The following DLGAP1 variants were observed in gnomAD, a reference collection of about 807,000 sequenced individuals.
DLGAP1 encodes DLG associated protein 1.
DLGAP1 carries 11 observed loss-of-function variants against 90.8 expected under a neutral mutation model. That is an observed-to-expected ratio of 0.12 (90% CI 0.08 to 0.20). DLGAP1 has a LOEUF of 0.20. Among genes scored for constraint, DLGAP1 ranks in the 10% least tolerant of loss-of-function variants. The pLI is 1.00. For synonymous variants in DLGAP1, 558 were observed against 540.7 expected (o/e 1.03, Z -0.44); for missense variants, 1,050 against 1,333.8 (o/e 0.79, Z 3.31).
intron 7 of DLGAP1, among the ~76,000 whole-genome samples, chr18:3,596,131 A>C (rs2056560835): frequency 6.6e-6 from 1 of 151,904 alleles, no homozygotes. Context: ...TAGGGCAGGG[A>C]GAGTGCCAGG....
intron 7 of DLGAP1, among the ~76,000 whole-genome samples, chr18:3,687,400 C>T (rs1023241641): frequency 5.9e-5 from 9 of 152,044 alleles, no homozygotes; most frequent in Non-Finnish European, 1.3e-4. Flanking sequence ...AAAGAATTAA[C>T]GATAATACCA....
intron 2 of DLGAP1, among the ~76,000 whole-genome samples, chr18:4,057,517 C>T (rs12326695): frequency 0.04 from 6,121 of 152,296 alleles, 184 homozygotes; most frequent in Middle Eastern, 0.14. Flanking sequence ...CAGAAGCCTG[C>T]CAATGTATAA....
At chr18:4,238,454 T>C (rs765750778) in intron 1 of DLGAP1, among the ~76,000 whole-genome samples, 6 of 152,302 alleles carry the variant, frequency 3.9e-5, no homozygotes, top group South Asian at 4.1e-4. Flanking sequence ...TTTTGATGAA[T>C]TGTGTTCTCC....
chr18:3,840,683 C>G (rs1005328655), intron 4 of DLGAP1, among the ~76,000 whole-genome samples: 7 of 152,216 alleles, frequency 4.6e-5, no homozygotes, highest in African/African-American at 1.4e-4. Context: ...ACCACCCACA[C>G]TAACACCATT....
intron 1 of DLGAP1, among the ~76,000 whole-genome samples, chr18:4,217,272 T>C (rs746013959): frequency 1.3e-5 from 2 of 152,170 alleles, no homozygotes; most frequent in Non-Finnish European, 2.9e-5. Flanking sequence ...ACAGTTTGTT[T>C]AAATGTTCAC....
At chr18:3,767,279 T>A (rs1327674003) in intron 5 of DLGAP1, among the ~76,000 whole-genome samples, 2 of 151,998 alleles carry the variant, frequency 1.3e-5, no homozygotes, top group Non-Finnish European at 2.9e-5. Flanking sequence ...AAAAGAAATA[T>A]CCAGGTCCAG....
intron 1 of DLGAP1, among the ~76,000 whole-genome samples, chr18:4,280,430 G>A (rs966579673): frequency 3.3e-5 from 5 of 152,080 alleles, no homozygotes; most frequent in African/African-American, 1.2e-4. Context: ...ATAAATTACT[G>A]ACCAAAAGCC....
intron 2 of DLGAP1, among the ~76,000 whole-genome samples, chr18:4,020,250 T>C (rs1191697525): frequency 6.6e-6 from 1 of 152,200 alleles, no homozygotes; most frequent in Non-Finnish European, 1.5e-5. Flanking sequence ...CCTGAACCAG[T>C]CTTTCAGGTT....
chr18:4,309,125 T>C (rs965484215), intron 1 of DLGAP1, among the ~76,000 whole-genome samples: 58 of 152,318 alleles, frequency 3.8e-4, no homozygotes, highest in African/African-American at 1.4e-3. Context: ...ACAACACACA[T>C]GGCTTTGCTT....
chr18:3,656,110 A>G, intron 7 of DLGAP1: 1 of 1,546,446 alleles, frequency 6.5e-7, no homozygotes, highest in Non-Finnish European at 8.7e-7. Flanking sequence ...CAGTTTTATG[A>G]CACCTTGAAT....
chr18:3,579,952 C>G (rs557110236), intron 8 of DLGAP1, among the ~76,000 whole-genome samples: 62 of 152,214 alleles, frequency 4.1e-4, no homozygotes, highest in African/African-American at 1.4e-3. Flanking sequence ...TATGGTCATT[C>G]AATAGTGTTG....
At chr18:4,004,959 G>A (rs149947998) in intron 3 of DLGAP1, 157 bp downstream of exon 3, 1 of 151,234 alleles carries the variant, frequency 6.6e-6, no homozygotes, top group African/African-American at 2.4e-5. Context: ...TGTGTTAGGT[G>A]GAAAGGTGGA....
chr18:3,738,293 C>T (rs1280487842), intron 6 of DLGAP1, among the ~76,000 whole-genome samples: 1 of 144,734 alleles, frequency 6.9e-6, no homozygotes, highest in African/African-American at 2.8e-5. Flanking sequence ...TCATATGGAA[C>T]AAAAAAAGAG....
At chr18:4,217,041 C>T (rs1298444373) in intron 1 of DLGAP1, among the ~76,000 whole-genome samples, 1 of 152,028 alleles carries the variant, frequency 6.6e-6, no homozygotes, top group Admixed American at 6.6e-5. Flanking sequence ...ATCCGTCCGT[C>T]TCTCCCTCTT....
intron 1 of DLGAP1, among the ~76,000 whole-genome samples, chr18:4,187,519 T>G (rs2077318867): frequency 6.6e-6 from 1 of 152,178 alleles, no homozygotes; most frequent in African/African-American, 2.4e-5. Context: ...CCTTTTCAAT[T>G]CTTAGTACAT....
intron 2 of DLGAP1, among the ~76,000 whole-genome samples, chr18:4,149,226 CA>C (rs1285055902): frequency 2.0e-5 from 3 of 152,138 alleles, no homozygotes; most frequent in Non-Finnish European, 4.4e-5. Flanking sequence ...CTCAAATATA[CA>C]TGGGGACTCA....
rs1331103465 is a variant in DLGAP1 at position 4,383,797 on chromosome 18, T to C, written c.-267+71209A>G. On this transcript the variant is annotated intron_variant, in intron 1 of 12. Transcript: ENST00000315677. The surrounding 1 kb of genome is among the most constrained non-coding windows in gnomAD (Gnocchi z 4.0). ...AAGAAGCAGAATTGTTCCATCTCCA[T>C]TTGAACCTACTCTACTGGCACATCT... Among the ~76,000 whole-genome samples, 1 of 151,984 alleles carries C rather than the reference T, an allele frequency of 6.6e-6. No individual in the cohort carries two copies. Among genetic ancestry groups the C allele is most frequent in the Non-Finnish European group, 1.5e-5 (1 of 67,928 alleles).
intron 1 of DLGAP1, among the ~76,000 whole-genome samples, chr18:4,238,802 C>A (rs2078470829): frequency 1.3e-5 from 2 of 152,116 alleles, no homozygotes; most frequent in Non-Finnish European, 2.9e-5. Flanking sequence ...AAAGATCTCT[C>A]CAAGAGTAAT....
chr18:3,704,715 T>C (rs752339083), intron 7 of DLGAP1, among the ~76,000 whole-genome samples: 1 of 152,158 alleles, frequency 6.6e-6, no homozygotes, highest in Non-Finnish European at 1.5e-5. Context: ...CAGTGACTCA[T>C]GCCTCTCCAC....
Sources: allele counts gnomAD v4.1 joint callset (sites outside exome capture counted in the v4.1 genomes callset), GRCh38; gene constraint gnomAD v4.1.1; non-coding constraint Gnocchi (gnomAD v3.1); transcripts MANE v1.5; gene names NCBI Gene and HGNC (gene_info 2026-07-23, HGNC 2026-07-21).